Variants in SH3RF1 observed in about 807,000 individuals in gnomAD.
SH3RF1 encodes the protein SH3 domain containing ring finger 1.
In SH3RF1, 32 loss-of-function variants were observed where a neutral mutation model predicts 74.0. That is an observed-to-expected ratio of 0.43 (90% CI 0.33 to 0.58). The LOEUF (loss-of-function observed/expected upper bound fraction) is 0.58. Among genes scored for constraint, SH3RF1 ranks in the 20% least tolerant of loss-of-function variants. The pLI is 0.05. For synonymous variants in SH3RF1, 396 were observed against 439.6 expected (o/e 0.90, Z 1.24); for missense variants, 954 against 1,130.9 (o/e 0.84, Z 2.24).
chr4:169,241,250 CAA>C (rs1032193969), intron 2 of SH3RF1, among the ~76,000 whole-genome samples: 15 of 152,120 alleles, frequency 9.9e-5, no homozygotes, highest in African/African-American at 3.6e-4. Context: ...AATAAATAAA[CAA>C]ACAAATAAAA....
intron 4 of SH3RF1, among the ~76,000 whole-genome samples, chr4:169,148,439 G>T (rs977030442): frequency 5.3e-5 from 8 of 152,160 alleles, no homozygotes; most frequent in Non-Finnish European, 1.2e-4. Flanking sequence ...GCAAAATCAT[G>T]TGTGTAATAT....
chr4:169,268,701 T>C, intron 2 of SH3RF1, 119 bp downstream of exon 2: 1 of 1,077,350 alleles, frequency 9.3e-7, no homozygotes, highest in Non-Finnish European at 1.3e-6. Context: ...ATCTATCTGT[T>C]CCAGTATGTA....
intron 2 of SH3RF1, among the ~76,000 whole-genome samples, chr4:169,260,339 G>A (rs1579168374): frequency 6.6e-6 from 1 of 152,132 alleles, no homozygotes; most frequent in African/African-American, 2.4e-5. Flanking sequence ...AATGGAGAAG[G>A]ACTGCTTTCC....
chr4:169,232,006 C>T (rs1027885480), intron 2 of SH3RF1, among the ~76,000 whole-genome samples: 1 of 152,190 alleles, frequency 6.6e-6, no homozygotes. Flanking sequence ...CTTACGGCCT[C>T]CACTGAAGGG....
chr4:169,208,017 T>G (rs1184960871), intron 2 of SH3RF1, among the ~76,000 whole-genome samples: 1 of 152,138 alleles, frequency 6.6e-6, no homozygotes, highest in Non-Finnish European at 1.5e-5. Context: ...TGAATGAGCA[T>G]AGACTCTACT....
chr4:169,205,390 T>A (rs1730237593), intron 2 of SH3RF1, among the ~76,000 whole-genome samples: 1 of 152,212 alleles, frequency 6.6e-6, no homozygotes, highest in Non-Finnish European at 1.5e-5. Flanking sequence ...TATATTTTTG[T>A]AATCCCACTG....
chr4:169,208,116 A>G (rs1395659), intron 2 of SH3RF1, among the ~76,000 whole-genome samples: 60,065 of 151,740 alleles, frequency 0.4, 13,552 homozygotes, highest in East Asian at 0.71. Context: ...AAACGTAAAG[A>G]TTGAACCCAG....
chr4:169,246,355 T>C (rs1007730536), intron 2 of SH3RF1, among the ~76,000 whole-genome samples: 3 of 152,246 alleles, frequency 2.0e-5, no homozygotes, highest in African/African-American at 7.2e-5. Flanking sequence ...TATTTTAATA[T>C]TTCCACCTCG....
At chr4:169,113,788 A>G (rs1733284608) in intron 10 of SH3RF1, among the ~76,000 whole-genome samples, 1 of 152,224 alleles carries the variant, frequency 6.6e-6, no homozygotes, top group Admixed American at 6.5e-5. Flanking sequence ...TAAATGAGGT[A>G]GGAGATTTAA....
rs1446035121 is a variant in SH3RF1 at position 169,136,368 on chromosome 4, C to T, written c.1018G>A (p.Ala340Thr). 5.1e-6 allele frequency: 8 copies of T among 1,573,616 alleles called. No individual in the cohort carries two copies. Among genetic ancestry groups the T allele is most frequent in the Admixed American group, 1.9e-5 (1 of 52,822 alleles). The change falls in exon 5 of 12, where the codon GCT (alanine) becomes ACT (threonine). Residue 340 changes from alanine to threonine, a missense_variant. Physicochemically the swap from Ala to Thr is moderately conservative, Grantham distance 58. This residue lies in a region of SH3RF1 where 854 missense variants were observed against 962.5 expected (regional missense o/e 0.89). Transcript: ENST00000284637. Reference sequence around the variant, plus strand: ...CCAGACAGCTCGCTGATCCGTGCAGCAGCAGTGGGGTTGCTGGAGCTGATG... The same window carrying T: ...CCAGACAGCTCGCTGATCCGTGCAGTAGCAGTGGGGTTGCTGGAGCTGATG... Reference protein sequence around the residue: ...VLISSSNPTAAARISELSGLS... With the variant: ...VLISSSNPTATARISELSGLS...
intron 2 of SH3RF1, chr4:169,166,536 C>T (rs1827994): frequency 0.3 from 59,007 of 195,506 alleles, 9,435 homozygotes; most frequent in African/African-American, 0.4. Flanking sequence ...AAAGTTCTTG[C>T]AACTGTTACA....
intron 2 of SH3RF1, among the ~76,000 whole-genome samples, chr4:169,181,887 A>G (rs988033339): frequency 6.6e-6 from 1 of 152,214 alleles, no homozygotes; most frequent in African/African-American, 2.4e-5. Flanking sequence ...TTCTCTTCAT[A>G]GTCCTTACAG....
At chr4:169,187,483 C>G (rs1734626792) in intron 2 of SH3RF1, among the ~76,000 whole-genome samples, 3 of 151,816 alleles carry the variant, frequency 2.0e-5, no homozygotes, top group Admixed American at 6.6e-5. Context: ...CCATCACACC[C>G]AGACTACAGT....
At chr4:169,218,331 T>A (rs1430130971) in intron 2 of SH3RF1, among the ~76,000 whole-genome samples, 3 of 136,108 alleles carry the variant, frequency 2.2e-5, no homozygotes, top group Non-Finnish European at 3.1e-5. Flanking sequence ...AGAATACAGA[T>A]TATAGAATAT....
At position 169,136,271 on chromosome 4, in the gene SH3RF1, C is replaced by G. The variant is rs1733697492; in HGVS notation, c.1068+47G>C. On this transcript the variant is annotated intron_variant, in intron 5 of 11. Transcript: ENST00000284637. ...GAGCAAACATGTTTGTAAGTTGATC[C>G]TTTTGTGGGTGAGCTCTTTTTATAT... 3 of 1,347,276 alleles carry G rather than the reference C, an allele frequency of 2.2e-6. No homozygotes were observed. In the South Asian group the frequency reaches 7.4e-5, roughly 33 times the overall value. 83.5% of individuals were successfully genotyped at this position (1,347,276 alleles called of 1,614,324 possible). A position where few individuals can be genotyped will look rare whatever the true frequency, so the allele number is the denominator to read the frequency against.
At chr4:169,194,036 C>T (rs1305204395) in intron 2 of SH3RF1, among the ~76,000 whole-genome samples, 4 of 152,074 alleles carry the variant, frequency 2.6e-5, no homozygotes, top group African/African-American at 9.7e-5. Flanking sequence ...CTACTACCTT[C>T]GTAGTCAGCA....
chr4:169,202,033 A>G (rs570422411), intron 2 of SH3RF1, among the ~76,000 whole-genome samples: 1 of 152,284 alleles, frequency 6.6e-6, no homozygotes, highest in South Asian at 2.1e-4. Context: ...TGCAAAATGA[A>G]AAAGTATCTC....
chr4:169,131,412 T>C (rs751049010), intron 5 of SH3RF1, among the ~76,000 whole-genome samples: 11 of 152,226 alleles, frequency 7.2e-5, no homozygotes, highest in Non-Finnish European at 1.6e-4. Flanking sequence ...GGACTCACTA[T>C]GTCACACTTC....
At chr4:169,144,251 T>C (rs918109048) in intron 4 of SH3RF1, among the ~76,000 whole-genome samples, 3 of 152,220 alleles carry the variant, frequency 2.0e-5, no homozygotes, top group Non-Finnish European at 2.9e-5. Context: ...GGCAAGTCAT[T>C]TGACCTTGGG....
Sources: allele counts gnomAD v4.1 joint callset (sites outside exome capture counted in the v4.1 genomes callset), GRCh38; gene constraint gnomAD v4.1.1; regional missense constraint gnomAD v4.1.1; transcripts MANE v1.5; gene names NCBI Gene and HGNC (gene_info 2026-07-23, HGNC 2026-07-21).